Variants in SV2C observed in about 807,000 individuals in gnomAD.
SV2C encodes solute carrier family 22 member B3.
SV2C carries 49 observed loss-of-function variants against 79.7 expected under a neutral mutation model. The observed-to-expected ratio is 0.61, with a 90% CI of 0.49 to 0.78. The LOEUF (loss-of-function observed/expected upper bound fraction) is 0.78. Ranked by LOEUF, SV2C falls within the 30% of genes least tolerant of loss-of-function variation. The pLI is 0.00. For synonymous variants in SV2C, 334 were observed against 333.2 expected (o/e 1.00, Z -0.03); for missense variants, 833 against 912.9 (o/e 0.91, Z 1.13).
chr5:75,903,378 TAAA>T, the SV2C span, among the ~76,000 whole-genome samples: 243 of 146,382 alleles, frequency 1.7e-3, no homozygotes, highest in Middle Eastern at 7.3e-3. Flanking sequence ...TTTTTTTTTT[TAAA>T]AAAAAAAGAA....
At chr5:75,908,028 A>C in the SV2C span, among the ~76,000 whole-genome samples, 3 of 152,254 alleles carry the variant, frequency 2.0e-5, no homozygotes, top group African/African-American at 7.2e-5. Context: ...TTAGTTAGGA[A>C]CAGGTCAGAG....
At chr5:75,911,254 G>A in the SV2C span, 678 of 1,502,904 alleles carry the variant, frequency 4.5e-4, no homozygotes, top group Non-Finnish European at 6.0e-4. Context: ...CCAGGAGGAA[G>A]TTCTCCCTAG....
the SV2C span, among the ~76,000 whole-genome samples, chr5:76,037,313 G>T: frequency 1.3e-5 from 2 of 152,240 alleles, no homozygotes; most frequent in Admixed American, 6.5e-5. Flanking sequence ...TGGAGGAGGA[G>T]AGGCGCTCTG....
chr5:76,304,444 G>A (rs1001397365), intron 12 of SV2C, among the ~76,000 whole-genome samples: 5 of 152,212 alleles, frequency 3.3e-5, no homozygotes, highest in Admixed American at 1.3e-4. Flanking sequence ...ACACTCTATA[G>A]CTTCATCTCC....
At chr5:76,341,838 C>T (rs1448164451) in intron 12 of SV2C, among the ~76,000 whole-genome samples, 3 of 152,118 alleles carry the variant, frequency 2.0e-5, no homozygotes, top group African/African-American at 4.8e-5. Flanking sequence ...GGAGCCAGAT[C>T]CCCTTGGGGT....
chr5:76,160,518 G>T (rs1742867224), intron 2 of SV2C, among the ~76,000 whole-genome samples: 1 of 152,162 alleles, frequency 6.6e-6, no homozygotes, highest in East Asian at 1.9e-4. Flanking sequence ...ACACCCAAAT[G>T]CAAGTGAGTA....
At chr5:76,102,932 T>C (rs1451377241) in intron 1 of SV2C, among the ~76,000 whole-genome samples, 2 of 152,188 alleles carry the variant, frequency 1.3e-5, no homozygotes, top group South Asian at 2.1e-4. Context: ...AGCCTTAACA[T>C]TTAGAAGAGC....
At chr5:76,241,506 C>T (rs1745784982) in intron 4 of SV2C, among the ~76,000 whole-genome samples, 1 of 152,156 alleles carries the variant, frequency 6.6e-6, no homozygotes, top group Non-Finnish European at 1.5e-5. Flanking sequence ...TCTGAAGATC[C>T]ATAATCTAGA....
chr5:75,999,810 G>A, the SV2C span, among the ~76,000 whole-genome samples: 5 of 152,140 alleles, frequency 3.3e-5, no homozygotes, highest in African/African-American at 1.2e-4. Flanking sequence ...GGTGTCTGGT[G>A]AGGGCTACTC....
chr5:76,037,220 C>T, the SV2C span, among the ~76,000 whole-genome samples: 1 of 152,180 alleles, frequency 6.6e-6, no homozygotes, highest in African/African-American at 2.4e-5. Context: ...GTAATTTGAT[C>T]GTCTGAAGCC....
At chr5:76,187,145 C>T (rs890149324) in intron 2 of SV2C, among the ~76,000 whole-genome samples, 3 of 152,172 alleles carry the variant, frequency 2.0e-5, no homozygotes, top group African/African-American at 7.2e-5. Flanking sequence ...TAAAAAATTG[C>T]TTCAAATAAC....
chr5:76,074,874 GT>G, the SV2C span, among the ~76,000 whole-genome samples: 5 of 152,182 alleles, frequency 3.3e-5, no homozygotes, highest in Admixed American at 6.5e-5. Flanking sequence ...CATCCATCTT[GT>G]TTTCCCAACA....
the SV2C span, among the ~76,000 whole-genome samples, chr5:76,004,993 T>C: frequency 3.3e-4 from 51 of 152,324 alleles, no homozygotes; most frequent in Admixed American, 2.2e-3. Context: ...TCTCATGATA[T>C]ATCAACCAAG....
chr5:76,000,103 A>G, the SV2C span, among the ~76,000 whole-genome samples: 4 of 152,122 alleles, frequency 2.6e-5, no homozygotes, highest in Non-Finnish European at 5.9e-5. Flanking sequence ...AAGGCCATCT[A>G]TTTTACTGAG....
At chr5:76,007,187 C>T in the SV2C span, among the ~76,000 whole-genome samples, 1 of 151,914 alleles carries the variant, frequency 6.6e-6, no homozygotes, top group African/African-American at 2.4e-5. Context: ...GCTAAAACAT[C>T]TCATGGTTCT....
the SV2C span, among the ~76,000 whole-genome samples, chr5:76,056,823 A>G: frequency 6.6e-6 from 1 of 151,484 alleles, no homozygotes; most frequent in South Asian, 2.1e-4. Context: ...CTCTGATGGA[A>G]GTTTGTTTTT....
chr5:76,118,538 A>C (rs1748358770), intron 1 of SV2C, among the ~76,000 whole-genome samples: 1 of 152,218 alleles, frequency 6.6e-6, no homozygotes, highest in Admixed American at 6.5e-5. Context: ...ATGTATCTAA[A>C]AATGATAAAA....
Position 76,204,371 on chromosome 5 carries a change from T to C in SV2C, c.762-5365T>C, listed in dbSNP as rs183547869. On this transcript the variant is annotated intron_variant, in intron 3 of 12. Coordinates refer to ENST00000502798, the MANE Select transcript of SV2C (RefSeq NM_014979.4). ...TTATAATCCTATAATACTTGTCTTA[T>C]AAAAGCTGCCAGAGTCAGCTCTTGG... is the stretch of plus-strand genomic sequence containing the variant. Among the ~76,000 whole-genome samples the C allele has an allele frequency of 4.6e-5, 7 of 152,350 alleles. No homozygotes were observed. In the East Asian group the frequency reaches 1.2e-3, roughly 25 times the overall value.
the SV2C span, among the ~76,000 whole-genome samples, chr5:76,061,039 A>C: frequency 7.3e-4 from 111 of 152,140 alleles, no homozygotes; most frequent in East Asian, 0.016. Context: ...TTATTGATTA[A>C]GTTTGACATC....
Sources: gnomAD v4.1 joint callset for allele counts (sites outside exome capture counted in the v4.1 genomes callset) on GRCh38, gnomAD v4.1.1 for gene constraint, MANE v1.5 for transcripts, NCBI Gene and HGNC (gene_info 2026-07-23, HGNC 2026-07-21) for gene names.